Variants in DLG1 observed in about 807,000 individuals in gnomAD.
DLG1 encodes disks large homolog 1.
A neutral mutation model predicts 123.4 loss-of-function variants in DLG1; 42 were observed. The observed-to-expected ratio is 0.34, with a 90% CI of 0.27 to 0.44. The LOEUF is 0.44. Among genes scored for constraint, DLG1 ranks in the 20% least tolerant of loss-of-function variants. The probability of loss-of-function intolerance (pLI) is 1.00; values close to 1 mark genes in which losing one functional copy is unlikely to be tolerated. For missense variants in DLG1, 942 were observed against 1,082.6 expected (o/e 0.87, Z 1.82); for synonymous variants, 317 against 356.2 (o/e 0.89, Z 1.24).
rs1175181029 is a variant in DLG1 at position 197,153,890 on chromosome 3, GAGA to G, written c.484-4097_484-4095del. On this transcript the variant is annotated intron_variant, in intron 5 of 24. Transcript: ENST00000667157. The stretch of plus-strand genomic sequence containing the variant: ...ATAACAACAAAAAAAGAAAACCCTG[GAGA>G]AGAAGGAGAATCTGATTTTCAGAGT... Among the ~76,000 whole-genome samples, 5 of 152,028 alleles carry G rather than the reference GAGA, an allele frequency of 3.3e-5. 1 individual carries two copies. Among genetic ancestry groups the G allele is most frequent in the South Asian group, 4.2e-4 (2 of 4,814 alleles).
chr3:197,178,313 T>A (rs151075509), intron 5 of DLG1, among the ~76,000 whole-genome samples: 3 of 152,134 alleles, frequency 2.0e-5, no homozygotes, highest in East Asian at 3.8e-4. Flanking sequence ...CCAACAGGAT[T>A]TGGCATCAGA....
intron 5 of DLG1, chr3:197,183,857 C>A: frequency 6.5e-7 from 1 of 1,531,416 alleles, no homozygotes; most frequent in Non-Finnish European, 8.8e-7. Flanking sequence ...TCTCTACCAG[C>A]TGCTGAGTGG....
chr3:197,228,839 T>C (rs1036928006), intron 4 of DLG1, among the ~76,000 whole-genome samples: 7 of 152,160 alleles, frequency 4.6e-5, no homozygotes, highest in Non-Finnish European at 7.4e-5. Context: ...ACAGTAGCAA[T>C]TGTCATTTAA....
intron 5 of DLG1, chr3:197,184,250 C>A: frequency 3.2e-6 from 1 of 309,504 alleles, no homozygotes; most frequent in Non-Finnish European, 4.8e-6. Context: ...CGTGGAAAAA[C>A]CCTGGATTAC....
At chr3:197,069,561 C>T (rs924511203) in intron 18 of DLG1, 1 of 207,340 alleles carries the variant, frequency 4.8e-6, no homozygotes, top group East Asian at 1.0e-4. Flanking sequence ...CAAATGTAGA[C>T]ATAAAACTCA....
chr3:197,281,096 G>A (rs956262099), intron 4 of DLG1, among the ~76,000 whole-genome samples: 1 of 150,098 alleles, frequency 6.7e-6, no homozygotes, highest in Non-Finnish European at 1.5e-5. Context: ...GGAGTGCAGT[G>A]ATGCCGTCTC....
At chr3:197,211,469 T>C in intron 4 of DLG1, among the ~76,000 whole-genome samples, 1 of 146,720 alleles carries the variant, frequency 6.8e-6, no homozygotes, top group East Asian at 2.0e-4. Context: ...CATCCCGGGA[T>C]GCAAGGCTGG....
chr3:197,061,217 T>C (rs1347675339), intron 22 of DLG1, among the ~76,000 whole-genome samples: 2 of 152,238 alleles, frequency 1.3e-5, no homozygotes, highest in East Asian at 3.8e-4. Flanking sequence ...TCCAAACATA[T>C]AGAAAAGTAA....
At chr3:197,132,149 A>AT (rs919725529) in intron 10 of DLG1, among the ~76,000 whole-genome samples, 22 of 146,890 alleles carry the variant, frequency 1.5e-4, no homozygotes, top group Admixed American at 7.4e-4. Context: ...CATTTTGTTG[A>AT]TTTTTTTTTC....
chr3:197,083,951 C>A (rs922440357), intron 16 of DLG1, among the ~76,000 whole-genome samples: 1 of 151,966 alleles, frequency 6.6e-6, no homozygotes. Flanking sequence ...CCAGCGTGGG[C>A]GACAGAGCAA....
At chr3:197,134,960 G>A (rs1216779663) in intron 10 of DLG1, among the ~76,000 whole-genome samples, 1 of 152,214 alleles carries the variant, frequency 6.6e-6, no homozygotes, top group Non-Finnish European at 1.5e-5. Context: ...CTTTTCTCTG[G>A]ATGGCTGGAT....
chr3:197,145,176 AG>A (rs1394317396), intron 6 of DLG1, among the ~76,000 whole-genome samples: 2 of 152,166 alleles, frequency 1.3e-5, no homozygotes, highest in Non-Finnish European at 2.9e-5. Context: ...CCTACTTGAC[AG>A]GAAGTCCTTT....
chr3:197,220,262 T>C (rs1736270719), intron 4 of DLG1, among the ~76,000 whole-genome samples: 1 of 152,204 alleles, frequency 6.6e-6, no homozygotes, highest in Non-Finnish European at 1.5e-5. Flanking sequence ...CCTGAAATGA[T>C]TTCACTGCTT....
intron 16 of DLG1, 33 bp from the exon 17 acceptor site, chr3:197,081,150 A>G (rs1321711266): frequency 6.3e-7 from 1 of 1,585,984 alleles, no homozygotes; most frequent in East Asian, 2.3e-5. Flanking sequence ...TTTTTAAGTA[A>G]ACCAAACATA....
At chr3:197,104,596 C>T (rs1765307383) in intron 14 of DLG1, among the ~76,000 whole-genome samples, 1 of 152,028 alleles carries the variant, frequency 6.6e-6, no homozygotes, top group South Asian at 2.1e-4. Context: ...GCAGGAGAAT[C>T]ACTTGAACCT....
intron 4 of DLG1, among the ~76,000 whole-genome samples, chr3:197,235,268 C>T (rs376661548): frequency 4.6e-5 from 7 of 152,014 alleles, no homozygotes; most frequent in East Asian, 3.9e-4. Context: ...TTCAAGGAGA[C>T]GGAAGCACTG....
At chr3:197,143,332 T>G (rs1386047555) in intron 6 of DLG1, among the ~76,000 whole-genome samples, 1 of 151,962 alleles carries the variant, frequency 6.6e-6, no homozygotes, top group Non-Finnish European at 1.5e-5. Context: ...CTTGGTTCAC[T>G]ACAAGCTCCG....
intron 17 of DLG1, chr3:197,080,454 CTTTTT>C (rs35708797): frequency 5.1e-5 from 5 of 97,496 alleles, no homozygotes; most frequent in Non-Finnish European, 9.4e-5. Flanking sequence ...AATTTTTTAC[CTTTTT>C]TTTTTTTTTT....
chr3:197,051,509 C>A, intron 24 of DLG1, 68 bp downstream of exon 24: 2 of 1,207,422 alleles, frequency 1.7e-6, no homozygotes, highest in Admixed American at 1.7e-5. Context: ...TCCACCTGAA[C>A]GGGTCGGTTC....
Sources: allele counts gnomAD v4.1 joint callset (sites outside exome capture counted in the v4.1 genomes callset), GRCh38; gene constraint gnomAD v4.1.1; transcripts MANE v1.5; gene names NCBI Gene and HGNC (gene_info 2026-07-23, HGNC 2026-07-21).